NUP153: variants seen among roughly 807,000 people sequenced by gnomAD.
NUP153 encodes nuclear pore complex protein Nup153.
NUP153 carries 27 observed loss-of-function variants against 134.6 expected under a neutral mutation model. The ratio of observed to expected loss-of-function variants is 0.20; its 90% CI spans 0.15 to 0.28. The LOEUF (loss-of-function observed/expected upper bound fraction) is 0.28. NUP153 is among the 10% of genes least tolerant of loss of function. NUP153 has a pLI of 1.00. For synonymous variants in NUP153, 640 were observed against 623.5 expected, an observed-to-expected ratio of 1.03 and a Z score of -0.40; for missense variants, 1,821 against 1,731.3, an observed-to-expected ratio of 1.05 and a Z score of -0.92.
intron 11 of NUP153, among the ~76,000 whole-genome samples, chr6:17,658,430 A>G (rs1426362132): frequency 6.6e-6 from 1 of 152,036 alleles, no homozygotes; most frequent in African/African-American, 2.4e-5. Flanking sequence ...CAAAACACCC[A>G]AAGAAGCACA....
intron 17 of NUP153, 24 bp from the exon 18 acceptor site, chr6:17,629,563 C>A: frequency 6.4e-7 from 1 of 1,553,560 alleles, no homozygotes; most frequent in Non-Finnish European, 8.6e-7. Flanking sequence ...AAAGACACCA[C>A]ATAGACACTC....
Position 17,688,452 on chromosome 6 carries a change from C to T in NUP153, c.278G>A (p.Ser93Asn), listed in dbSNP as rs148245908. The T allele has an allele frequency of 3.7e-6, 6 of 1,614,130 alleles. No individual in the cohort carries two copies. Among genetic ancestry groups the T allele is most frequent in the Non-Finnish European group, 5.1e-6 (6 of 1,180,018 alleles). The change falls in exon 2 of 22, where the codon AGC becomes AAC. Residue 93 changes from serine (S) to asparagine (N), a missense_variant. Coordinates refer to ENST00000262077, the MANE Select transcript of NUP153 (RefSeq NM_005124.4). ...GATTCTCCCATCAGTAATATTAGAGCTCTCCTCATCGGCATATACCAGATG... is the reference window on the plus strand; with the variant it reads ...GATTCTCCCATCAGTAATATTAGAGTTCTCCTCATCGGCATATACCAGATG... The part of the protein sequence containing the change: ...EDHLVYADEE[S>N]SNITDGRITP...
intron 11 of NUP153, among the ~76,000 whole-genome samples, chr6:17,655,914 A>T (rs943912677): frequency 6.6e-6 from 1 of 152,204 alleles, no homozygotes; most frequent in Non-Finnish European, 1.5e-5. Flanking sequence ...GATATAAAAC[A>T]CAAGGTAGGG....
rs747549583 is a variant in NUP153 at position 17,661,763 on chromosome 6, T to C, written c.1285A>G (p.Asn429Asp). Residue 429 changes from asparagine to aspartate, a missense_variant, in exon 11 of 22, where the codon AAT (asparagine) becomes GAT (aspartate). By Grantham distance (23) the Asn-to-Asp change is conservative. Coordinates refer to ENST00000262077, the MANE Select transcript of NUP153 (RefSeq NM_005124.4). ...EQRESGFSYP[N>D]FSLPAANGLS... ...CCATTGGCTGCAGGCAAACTGAAAT[T>C]TGGATATGAAAAGCCACTGGCAAAT... The C allele has an allele frequency of 2.6e-5, 42 of 1,612,840 alleles. No individual in the cohort carries two copies. Among genetic ancestry groups the C allele is most frequent in the Non-Finnish European group, 3.6e-5 (42 of 1,179,718 alleles).
At position 17,675,036 on chromosome 6, in the gene NUP153, G is replaced by A. The variant is rs1768132454; in HGVS notation, c.724-3C>T. 4.3e-6 allele frequency: 7 copies of A among 1,612,448 alleles called. No homozygotes were observed. The highest frequency in any genetic ancestry group is 5.1e-6 in the Non-Finnish European group (6 of 1,179,426). ...AGGATTGAAGAATTCCCAAGTGACT[G>A]CACAGAAACAGAATGATAAATTATA... On this transcript the variant is annotated splice_region_variant and splice_polypyrimidine_tract_variant and intron_variant, in intron 4 of 21. Transcript: ENST00000262077. The surrounding 1 kb of genome is among the most constrained non-coding windows in gnomAD (Gnocchi z 4.4).
At chr6:17,648,852 G>A (rs944034585) in intron 12 of NUP153, among the ~76,000 whole-genome samples, 1 of 151,692 alleles carries the variant, frequency 6.6e-6, no homozygotes, top group Non-Finnish European at 1.5e-5. Context: ...GCCTAGCTGA[G>A]AAGTAAAAAC....
rs1581669963 is a variant in NUP153, at chr6:17,629,341, G to C, written c.2858C>G (p.Ser953Cys). Residue 953 changes from serine to cysteine, a missense_variant, in exon 18 of 22, where the codon TCT becomes TGT. By Grantham distance (112) the Ser-to-Cys change is moderately radical. Coordinates refer to ENST00000262077, the MANE Select transcript of NUP153 (RefSeq NM_005124.4). The stretch of plus-strand genomic sequence containing the variant: ...AAATTTAAAATCTCCTATTGGTTTA[G>C]AAAATTTAAAGCCTTCACTCATGGG... ...INPMSEGFKF[S>C]KPIGDFKFGV... 1.2e-6 allele frequency: 2 copies of C among 1,608,738 alleles called. No individual in the cohort carries two copies. The highest frequency in any genetic ancestry group is 1.7e-6 in the Non-Finnish European group (2 of 1,178,668).
intron 1 of NUP153, among the ~76,000 whole-genome samples, chr6:17,700,725 AT>A (rs1462926931): frequency 6.6e-6 from 1 of 152,210 alleles, no homozygotes; most frequent in Non-Finnish European, 1.5e-5. Context: ...ATAGCAAACA[AT>A]GACCTGTGGG....
chr6:17,630,441 C>A (rs1356827263), intron 17 of NUP153, among the ~76,000 whole-genome samples: 1 of 152,090 alleles, frequency 6.6e-6, no homozygotes, highest in Non-Finnish European at 1.5e-5. Flanking sequence ...GGGCAGATCA[C>A]CCGAGGTCAG....
intron 21 of NUP153, 63 bp from the exon 22 acceptor site, chr6:17,616,244 C>A (rs1270731368): frequency 8.3e-6 from 6 of 721,862 alleles, no homozygotes; most frequent in Non-Finnish European, 1.3e-5. Context: ...CAAATGCTAA[C>A]ATTTACCATG....
Position 17,629,550 on chromosome 6 carries a change from A to G in NUP153, c.2660-11T>C. The G allele has an allele frequency of 2.5e-6, 4 of 1,569,824 alleles. No individual in the cohort carries two copies. Among genetic ancestry groups the G allele is most frequent in the Non-Finnish European group, 2.6e-6 (3 of 1,165,788 alleles). ...AAGATGTGTCAAAGCCTACAAAAAT[A>G]TAAAAGACACCACATAGACACTCAA... On this transcript the variant is annotated splice_polypyrimidine_tract_variant and intron_variant, in intron 17 of 21. Coordinates refer to ENST00000262077, the MANE Select transcript of NUP153 (RefSeq NM_005124.4).
chr6:17,675,494 A>G lies in NUP153; in HGVS notation c.583+28T>C. ...CATAAAATTTAATGTTACTACCCAA[A>G]TTATGTACTACCACATGTCAAGAAT... On this transcript the variant is annotated intron_variant, in intron 3 of 21. Coordinates refer to ENST00000262077, the MANE Select transcript of NUP153 (RefSeq NM_005124.4). The surrounding 1 kb of genome is among the most constrained non-coding windows in gnomAD (Gnocchi z 4.4). The G allele has an allele frequency of 6.2e-7, 1 of 1,611,080 alleles. No homozygotes were observed. The highest frequency in any genetic ancestry group is 1.1e-5 in the South Asian group (1 of 90,350).
intron 11 of NUP153, among the ~76,000 whole-genome samples, chr6:17,652,425 G>A (rs958944354): frequency 9.2e-5 from 14 of 152,018 alleles, no homozygotes; most frequent in Non-Finnish European, 1.5e-4. Flanking sequence ...TAATCCATGG[G>A]TCAAATACAA....
intron 5 of NUP153, among the ~76,000 whole-genome samples, chr6:17,670,198 A>T (rs1046923666): frequency 2.8e-4 from 42 of 152,202 alleles, no homozygotes; most frequent in African/African-American, 9.9e-4. Flanking sequence ...CGGTAATAAC[A>T]GAATACTGTC....
intron 10 of NUP153, 93 bp downstream of exon 10, chr6:17,661,925 T>C (rs1258163213): frequency 6.3e-6 from 8 of 1,275,088 alleles, no homozygotes; most frequent in Non-Finnish European, 8.9e-6. Flanking sequence ...TTTCTGTTCT[T>C]TGATTTTAAT....
Position 17,693,183 on chromosome 6 carries a change from T to TACACACACACACACACAC in NUP153, c.112-4583_112-4566dup, listed in dbSNP as rs67348223. On this transcript the variant is annotated intron_variant, in intron 1 of 21. Coordinates refer to ENST00000262077, the MANE Select transcript of NUP153 (RefSeq NM_005124.4). ...CTTTTCTTAAAATTTAGCTTTTTCC[T>TACACACACACACACACAC]ACACACACACACACACACACACACA... is the stretch of plus-strand genomic sequence containing the variant. 2.4e-3 allele frequency among the ~76,000 whole-genome samples: 345 copies of TACACACACACACACACAC among 145,922 alleles called. 3 individuals are homozygous for TACACACACACACACACAC. The highest frequency in any genetic ancestry group is 0.01 in the Middle Eastern group (3 of 288).
chr6:17,633,026 G>T (rs1442801227), intron 16 of NUP153, among the ~76,000 whole-genome samples, 182 bp from the exon 17 acceptor site: 1 of 151,918 alleles, frequency 6.6e-6, no homozygotes, highest in African/African-American at 2.4e-5. Flanking sequence ...TTAAAAAAAA[G>T]AATAGACCTC....
Position 17,674,928 on chromosome 6 carries a change from T to G in NUP153, c.829A>C (p.Lys277Gln). The change falls in exon 5 of 22, where the codon AAA becomes CAA. Residue 277 changes from lysine (K) to glutamine (Q), a missense_variant. By Grantham distance (53) the Lys-to-Gln change is moderately conservative (BLOSUM62 1). Transcript: ENST00000262077. ...GGAAAAVRQS[K>Q]LRNTPYQAPV... ...ACCTGATAAGGTGTATTTCGTAGTT[T>G]AGACTGTCTTACAGCAGCTGCTGCC... 6.2e-7 allele frequency: 1 copy of G among 1,612,654 alleles called. No homozygotes were observed. Among genetic ancestry groups the G allele is most frequent in the Non-Finnish European group, 8.5e-7 (1 of 1,179,430 alleles).
Position 17,632,839 on chromosome 6 carries a change from A to G in NUP153, c.2470T>C (p.Ser824Pro). The G allele has an allele frequency of 7.1e-7, 1 of 1,399,322 alleles. No individual in the cohort carries two copies. Among genetic ancestry groups the G allele is most frequent in the Non-Finnish European group, 9.6e-7 (1 of 1,044,142 alleles). 86.7% of individuals were successfully genotyped at this position (1,399,322 alleles called of 1,614,324 possible). A position where few individuals can be genotyped will look rare whatever the true frequency, so the allele number is the denominator to read the frequency against. The change falls in exon 17 of 22, where the codon TCA (serine) becomes CCA (proline). Residue 824 changes from serine (S) to proline (P), a missense_variant. Coordinates refer to ENST00000262077, the MANE Select transcript of NUP153 (RefSeq NM_005124.4). Reference sequence around the variant, plus strand: ...GTGCTGCTACTTGAAGCAGGTACTGAACTTCCTAAAAAAAAAAAAAAAAAC... The same window carrying G: ...GTGCTGCTACTTGAAGCAGGTACTGGACTTCCTAAAAAAAAAAAAAAAAAC... ...VSCMSEKPGS[S>P]VPASSSSTVP... is the part of the protein sequence containing the mutation.
Sources: gnomAD v4.1 joint callset for allele counts (sites outside exome capture counted in the v4.1 genomes callset) on GRCh38, gnomAD v4.1.1 for gene constraint, Gnocchi (gnomAD v3.1) non-coding constraint, MANE v1.5 for transcripts, NCBI Gene and HGNC (gene_info 2026-07-23, HGNC 2026-07-21) for gene names.